The following CRTAC1 variants were observed in gnomAD, a reference collection of about 807,000 sequenced individuals.
CRTAC1 encodes the protein acidic secreted protein in cartilage.
CRTAC1 carries 37 observed loss-of-function variants against 67.8 expected under a neutral mutation model. The ratio of observed to expected loss-of-function variants is 0.55; its 90% CI spans 0.42 to 0.72. CRTAC1 has a LOEUF of 0.72. CRTAC1 is among the 30% of genes least tolerant of loss of function. The pLI is 0.00. For missense variants in CRTAC1, 780 were observed against 931.6 expected (o/e 0.84, Z 2.12); for synonymous variants, 348 against 371.0 (o/e 0.94, Z 0.71).
chr10:97,991,233 T>C (rs1842449600), intron 2 of CRTAC1, among the ~76,000 whole-genome samples: 4 of 149,910 alleles, frequency 2.7e-5, no homozygotes, highest in Admixed American at 2.7e-4. Context: ...ATAGTGATAC[T>C]CTGTCTCTAG....
At chr10:97,993,788 G>C (rs1842504025) in intron 2 of CRTAC1, among the ~76,000 whole-genome samples, 1 of 152,190 alleles carries the variant, frequency 6.6e-6, no homozygotes, top group Admixed American at 6.5e-5. Flanking sequence ...CCTGCCTTTA[G>C]AAGTCTGCAA....
intron 1 of CRTAC1, among the ~76,000 whole-genome samples, chr10:98,024,795 C>CCA (rs112213274): frequency 0.031 from 3,725 of 118,406 alleles, 70 homozygotes; most frequent in Middle Eastern, 0.071. Context: ...CACCTCTCCA[C>CCA]CACACACACA....
At chr10:98,018,199 CAAAAAAAAAAAAAAA>C (rs71007373) in intron 1 of CRTAC1, among the ~76,000 whole-genome samples, 5,357 of 48,920 alleles carry the variant, frequency 0.11, 203 homozygotes, top group Middle Eastern at 0.17. Context: ...AAGATGCCCG[CAAAAAAAAAAAAAAA>C]AAAAAAAAAA....
At chr10:97,899,320 G>A (rs1395177181) in intron 8 of CRTAC1, among the ~76,000 whole-genome samples, 2 of 152,226 alleles carry the variant, frequency 1.3e-5, no homozygotes, top group African/African-American at 4.8e-5. Context: ...GGGCAGCCAC[G>A]TGGTGACTTG....
chr10:97,934,746 C>A (rs1403872180), intron 3 of CRTAC1, among the ~76,000 whole-genome samples: 1 of 152,108 alleles, frequency 6.6e-6, no homozygotes, highest in Non-Finnish European at 1.5e-5. Context: ...AGGGCTTCAT[C>A]CAAAGCTGAC....
Position 97,923,268 on chromosome 10 carries a change from C to G in CRTAC1, c.554G>C (p.Arg185Thr), listed in dbSNP as rs772223254. Residue 185 changes from arginine (R) to threonine (T), a missense_variant, in exon 4 of 15, where the codon AGA becomes ACA. Transcript: ENST00000370597. ...FAGRSVACVDRKGSGRYSIYI... is the reference protein window; with the variant it reads ...FAGRSVACVDTKGSGRYSIYI... ...CCCATGTGCCCCTGCACTCACCTTT[C>G]TGTCCACACAGGCCACAGAGCGTCC... 2.5e-6 allele frequency: 4 copies of G among 1,613,970 alleles called. No individual in the cohort carries two copies. The highest frequency in any genetic ancestry group is 3.4e-6 in the Non-Finnish European group (4 of 1,180,040).
chr10:97,970,243 C>A (rs116706117), intron 2 of CRTAC1, among the ~76,000 whole-genome samples: 3 of 152,118 alleles, frequency 2.0e-5, no homozygotes, highest in Admixed American at 2.0e-4. Flanking sequence ...TGGTTTAAGC[C>A]CATCATTTTT....
rs143816278 is a variant in CRTAC1 at position 98,003,417 on chromosome 10, G to A, written c.224+7721C>T. ...GGGCTGTGTTTTCTTCCGGAGGCTC[G>A]AGGGATAAATCTGTTTCCTTGCCTT... On this transcript the variant is annotated intron_variant, in intron 2 of 14. Coordinates refer to ENST00000370597, the MANE Select transcript of CRTAC1 (RefSeq NM_018058.7). Among the ~76,000 whole-genome samples, 38 of 152,278 alleles carry A rather than the reference G, an allele frequency of 2.5e-4. No individual in the cohort carries two copies. In the East Asian group the frequency reaches 6.2e-3, roughly 25 times the overall value.
chr10:97,945,431 C>CT (rs773987082), intron 2 of CRTAC1, among the ~76,000 whole-genome samples: 121 of 152,112 alleles, frequency 8.0e-4, no homozygotes, highest in South Asian at 2.7e-3. Flanking sequence ...GTGTAATGCT[C>CT]TTTTTTTTGT....
Position 98,029,994 on chromosome 10 carries a change from G to A in CRTAC1, c.24+455C>T, listed in dbSNP as rs1843333977. Among the ~76,000 whole-genome samples, 1 of 150,252 alleles carries A rather than the reference G, an allele frequency of 6.7e-6. No homozygotes were observed. Among genetic ancestry groups the A allele is most frequent in the Non-Finnish European group, 1.5e-5 (1 of 67,506 alleles). On this transcript the variant is annotated intron_variant, in intron 1 of 14. Coordinates refer to ENST00000370597, the MANE Select transcript of CRTAC1 (RefSeq NM_018058.7). The surrounding 1 kb of genome is among the most constrained non-coding windows in gnomAD (Gnocchi z 4.7). ...GCCCGCGGGGCTCTTCCCCAGCCTG[G>A]AAGCGTAGGCACTCGGCCGAGGCCA...
At chr10:97,884,115 G>A (rs2050248937) in intron 12 of CRTAC1, 91 bp downstream of exon 12, 3 of 1,437,986 alleles carry the variant, frequency 2.1e-6, no homozygotes, top group Non-Finnish European at 1.9e-6. Flanking sequence ...TAGAGGCTGA[G>A]TTTGCAGATT....
At chr10:97,956,738 C>G (rs1413394700) in intron 2 of CRTAC1, among the ~76,000 whole-genome samples, 1 of 152,064 alleles carries the variant, frequency 6.6e-6, no homozygotes, top group Non-Finnish European at 1.5e-5. Flanking sequence ...AGGCACAGCA[C>G]TTTGCTGGGG....
At chr10:97,885,738 G>A (rs539963923) in intron 11 of CRTAC1, among the ~76,000 whole-genome samples, 2 of 152,258 alleles carry the variant, frequency 1.3e-5, no homozygotes, top group South Asian at 4.1e-4. Flanking sequence ...CAGACAGGGG[G>A]AGAACACAGC....
chr10:97,900,890 G>GTAGCCCCTTTTCCTGGTAGTGATTGGAC (rs2050528208), intron 8 of CRTAC1, among the ~76,000 whole-genome samples: 1 of 83,308 alleles, frequency 1.2e-5, no homozygotes, highest in Admixed American at 1.2e-4. Context: ...AGTGATTGGA[G>GTAGCCCCTTTTCCTGGTAGTGATTGGAC]CCCGTAGCCC....
intron 8 of CRTAC1, among the ~76,000 whole-genome samples, chr10:97,897,227 T>C (rs540266631): frequency 6.6e-6 from 1 of 152,292 alleles, no homozygotes; most frequent in East Asian, 1.9e-4. Context: ...AATGGATGAA[T>C]TATAGGCAGC....
At chr10:97,866,581 CGT>C (rs1240499498) in intron 14 of CRTAC1, 3 of 152,200 alleles carry the variant, frequency 2.0e-5, no homozygotes, top group African/African-American at 7.2e-5. Context: ...TGTGAGTCTG[CGT>C]GTGTTAGCAT....
At chr10:98,027,064 G>A (rs1221409907) in intron 1 of CRTAC1, among the ~76,000 whole-genome samples, 1 of 152,012 alleles carries the variant, frequency 6.6e-6, no homozygotes, top group Admixed American at 6.6e-5. Flanking sequence ...CTACTCGGGA[G>A]GCTGAGGCAG....
At chr10:97,872,767 G>A (rs998167986) in intron 14 of CRTAC1, among the ~76,000 whole-genome samples, 1 of 152,210 alleles carries the variant, frequency 6.6e-6, no homozygotes, top group Non-Finnish European at 1.5e-5. Context: ...GATGGGTACC[G>A]ATCGCCCCTG....
chr10:97,928,812 G>A (rs11189442), intron 3 of CRTAC1, among the ~76,000 whole-genome samples: 118,775 of 151,878 alleles, frequency 0.78, 48,530 homozygotes, highest in Non-Finnish European at 0.89. Flanking sequence ...CAGGGAGGGG[G>A]GTTTGTGCAG....
Sources: allele counts gnomAD v4.1 joint callset (sites outside exome capture counted in the v4.1 genomes callset), GRCh38; gene constraint gnomAD v4.1.1; non-coding constraint Gnocchi (gnomAD v3.1); transcripts MANE v1.5; gene names NCBI Gene and HGNC (gene_info 2026-07-23, HGNC 2026-07-21).